The following WDR59 variants were observed in gnomAD, a reference collection of about 807,000 sequenced individuals.
The protein encoded by WDR59 is GATOR2 complex protein WDR59.
WDR59 carries 100 observed loss-of-function variants against 131.2 expected under a neutral mutation model. The ratio of observed to expected loss-of-function variants is 0.76; its 90% CI spans 0.65 to 0.90. The LOEUF (loss-of-function observed/expected upper bound fraction) is 0.90. Among genes scored for constraint, WDR59 ranks in the 40% least tolerant of loss-of-function variants. The pLI is 0.00. For synonymous variants in WDR59, 601 were observed against 466.2 expected (o/e 1.29, Z -3.72); for missense variants, 1,203 against 1,262.2 (o/e 0.95, Z 0.71).
chr16:74,958,207 A>G (rs537976363), intron 2 of WDR59, among the ~76,000 whole-genome samples: 107 of 152,194 alleles, frequency 7.0e-4, no homozygotes, highest in Non-Finnish European at 1.4e-3. Flanking sequence ...CTCCACTATA[A>G]TAAGAGTAAA....
chr16:74,944,640 C>T (rs570725462), intron 6 of WDR59, among the ~76,000 whole-genome samples: 134 of 152,002 alleles, frequency 8.8e-4, no homozygotes, highest in Middle Eastern at 6.8e-3. Flanking sequence ...AGGCAGTACC[C>T]GAGGCTGTAC....
chr16:74,899,251 A>G (rs1297393115), intron 18 of WDR59, among the ~76,000 whole-genome samples: 4 of 152,242 alleles, frequency 2.6e-5, no homozygotes, highest in African/African-American at 9.6e-5. Context: ...CCAATGAAGC[A>G]GGTGGGCACC....
At chr16:74,917,877 C>T (rs1326210701) in intron 11 of WDR59, 52 bp downstream of exon 11, 7 of 1,341,894 alleles carry the variant, frequency 5.2e-6, no homozygotes, top group African/African-American at 1.5e-5. Context: ...CTGAATCTTA[C>T]ACTTTTTGGT....
At chr16:74,884,678 C>T (rs1417177053) in intron 25 of WDR59, among the ~76,000 whole-genome samples, 1 of 152,126 alleles carries the variant, frequency 6.6e-6, no homozygotes, top group Admixed American at 6.6e-5. Context: ...AACTTACAAG[C>T]CCCTGCCTGA....
chr16:74,889,250 A>G (rs1443844750), intron 21 of WDR59, among the ~76,000 whole-genome samples: 1 of 152,226 alleles, frequency 6.6e-6, no homozygotes, highest in Non-Finnish European at 1.5e-5. Context: ...ATGTCAGTGC[A>G]ATAAACTGAA....
At position 74,953,979 on chromosome 16, in the gene WDR59, G is replaced by A. The variant is rs181023844; in HGVS notation, c.241-2436C>T. Among the ~76,000 whole-genome samples, 925 of 148,950 alleles carry A rather than the reference G, an allele frequency of 6.2e-3. 8 individuals carry two copies. Among genetic ancestry groups the A allele is most frequent in the African/African-American group, 0.022 (885 of 40,468 alleles). ...ATAGCACTACTGCACTCCAGCCTGG[G>A]TGACAGAGCGAGACTCCGTCTCAAA... On this transcript the variant is annotated intron_variant, in intron 3 of 25. Transcript: ENST00000262144.
At position 74,980,423 on chromosome 16, in the gene WDR59, G is replaced by A. The variant is rs547007023; in HGVS notation, c.54+4541C>T. Among the ~76,000 whole-genome samples the A allele has an allele frequency of 1.7e-4, 23 of 134,872 alleles. 3 individuals carry two copies. Among genetic ancestry groups the A allele is most frequent in the South Asian group, 1.2e-3 (5 of 4,126 alleles). 88.5% of individuals were successfully genotyped at this position (134,872 alleles called of 152,430 possible). On this transcript the variant is annotated intron_variant, in intron 1 of 25. Transcript: ENST00000262144. ...AGGCTGTAGTGCAACGGTGCGATTT[G>A]GCTCGCTGCAACCTCCGCCTCCCAG...
chr16:74,981,237 G>A (rs563848113), intron 1 of WDR59, among the ~76,000 whole-genome samples: 1 of 151,680 alleles, frequency 6.6e-6, no homozygotes, highest in Non-Finnish European at 1.5e-5. Flanking sequence ...TTAGCCAGGC[G>A]TGGTGGTGGG....
chr16:74,924,900 T>A (rs566025082), intron 8 of WDR59, among the ~76,000 whole-genome samples: 1 of 152,118 alleles, frequency 6.6e-6, no homozygotes, highest in Non-Finnish European at 1.5e-5. Context: ...GGATTACAGG[T>A]ATGAACTACC....
chr16:74,913,104 C>A (rs538403601), intron 13 of WDR59, among the ~76,000 whole-genome samples: 2 of 151,494 alleles, frequency 1.3e-5, no homozygotes, highest in East Asian at 1.9e-4. Flanking sequence ...AACATGTCCC[C>A]CTTCTTTGAT....
At chr16:74,947,208 G>A (rs1052425711) in intron 6 of WDR59, among the ~76,000 whole-genome samples, 13 of 152,180 alleles carry the variant, frequency 8.5e-5, no homozygotes, top group African/African-American at 3.1e-4. Flanking sequence ...CAGCACTTTG[G>A]GAGGCCAAGT....
At chr16:74,982,814 C>T (rs2034480832) in intron 1 of WDR59, among the ~76,000 whole-genome samples, 1 of 152,160 alleles carries the variant, frequency 6.6e-6, no homozygotes, top group Non-Finnish European at 1.5e-5. Context: ...GAGGGCACCA[C>T]AGAGCAAAAT....
intron 18 of WDR59, among the ~76,000 whole-genome samples, chr16:74,895,246 T>C (rs943287576): frequency 9.2e-5 from 14 of 152,260 alleles, no homozygotes; most frequent in Admixed American, 7.2e-4. Context: ...ATTTGGAACT[T>C]TAACCCGTTT....
At chr16:74,886,598 G>C in intron 23 of WDR59, 1 of 570,266 alleles carries the variant, frequency 1.8e-6, no homozygotes, top group Non-Finnish European at 2.9e-6. Flanking sequence ...AAGAGAACTT[G>C]ATCACTAAGT....
At chr16:74,948,882 C>T (rs2032815440) in intron 5 of WDR59, among the ~76,000 whole-genome samples, 2 of 152,142 alleles carry the variant, frequency 1.3e-5, no homozygotes, top group Admixed American at 1.3e-4. Flanking sequence ...CCTAAAATCC[C>T]AGCTACTCGG....
intron 11 of WDR59, 79 bp downstream of exon 11, chr16:74,917,850 T>A: frequency 6.4e-5 from 66 of 1,036,792 alleles, no homozygotes; most frequent in Non-Finnish European, 8.4e-5. Flanking sequence ...TCCTGTAACC[T>A]CTAATTTCCG....
chr16:74,878,309 C>T (rs1390158384), intron 25 of WDR59, among the ~76,000 whole-genome samples: 1 of 152,194 alleles, frequency 6.6e-6, no homozygotes, highest in Non-Finnish European at 1.5e-5. Context: ...CAAAGACTGG[C>T]ATATCTTTCA....
chr16:74,936,317 A>G (rs1033509106), intron 8 of WDR59, among the ~76,000 whole-genome samples: 11 of 152,136 alleles, frequency 7.2e-5, no homozygotes, highest in Non-Finnish European at 1.6e-4. Flanking sequence ...CTATATAGAT[A>G]TGTATATATC....
intron 9 of WDR59, among the ~76,000 whole-genome samples, chr16:74,922,818 TA>T (rs2030378482): frequency 1.3e-5 from 2 of 152,236 alleles, no homozygotes; most frequent in Admixed American, 1.3e-4. Flanking sequence ...TTTCAGTTCC[TA>T]AGAAGAGTGT....
Sources: allele counts gnomAD v4.1 joint callset (sites outside exome capture counted in the v4.1 genomes callset), GRCh38; gene constraint gnomAD v4.1.1; transcripts MANE v1.5; gene names NCBI Gene and HGNC (gene_info 2026-07-23, HGNC 2026-07-21).